KCNMB2: variants seen among roughly 807,000 people sequenced by gnomAD.
KCNMB2 encodes calcium-activated potassium channel subunit beta-2.
KCNMB2 carries 9 observed loss-of-function variants against 24.5 expected under a neutral mutation model. The observed-to-expected ratio is 0.37, with a 90% CI of 0.22 to 0.64. The LOEUF (loss-of-function observed/expected upper bound fraction) is 0.64, where lower values mean the gene tolerates loss of function less well. KCNMB2 is among the 30% of genes least tolerant of loss of function. The probability of loss-of-function intolerance (pLI) is 0.63; values close to 1 mark genes in which losing one functional copy is unlikely to be tolerated. For missense variants in KCNMB2, 226 were observed against 284.3 expected, an observed-to-expected ratio of 0.79 and a Z score of 1.47; for synonymous variants, 109 against 104.4, an observed-to-expected ratio of 1.04 and a Z score of -0.27.
At chr3:178,718,267 T>C (rs1466546528) in intron 1 of KCNMB2, among the ~76,000 whole-genome samples, 1 of 152,206 alleles carries the variant, frequency 6.6e-6, no homozygotes, top group South Asian at 2.1e-4. Flanking sequence ...TTCCTTATAA[T>C]TTCCTCTCTA....
At chr3:178,576,179 G>A (rs1577022248) in intron 1 of KCNMB2, among the ~76,000 whole-genome samples, 1 of 151,834 alleles carries the variant, frequency 6.6e-6, no homozygotes, top group Non-Finnish European at 1.5e-5. Context: ...TAGATAGTGG[G>A]TGCAGCCCAC....
intron 1 of KCNMB2, among the ~76,000 whole-genome samples, chr3:178,765,482 A>G (rs140564782): frequency 1.8e-3 from 280 of 152,254 alleles, no homozygotes; most frequent in Middle Eastern, 0.01. Context: ...CCAGATTTTT[A>G]AAAAGGTGTT....
At chr3:178,760,909 A>G (rs1317590745) in intron 1 of KCNMB2, among the ~76,000 whole-genome samples, 1 of 152,090 alleles carries the variant, frequency 6.6e-6, no homozygotes, top group African/African-American at 2.4e-5. Flanking sequence ...TGCTTATATC[A>G]TTTTCTGATC....
chr3:178,693,175 T>C (rs1358941573), intron 1 of KCNMB2, among the ~76,000 whole-genome samples: 2 of 152,244 alleles, frequency 1.3e-5, no homozygotes, highest in East Asian at 1.9e-4. Context: ...TTTCTAGATA[T>C]AGGATCATGT....
chr3:178,786,061 T>G (rs1358666469), intron 1 of KCNMB2, among the ~76,000 whole-genome samples: 2 of 152,222 alleles, frequency 1.3e-5, no homozygotes, highest in East Asian at 3.9e-4. Flanking sequence ...CTTACCACAA[T>G]TGCACTAAGC....
intron 1 of KCNMB2, among the ~76,000 whole-genome samples, chr3:178,725,522 A>G (rs1476607474): frequency 6.6e-6 from 1 of 152,102 alleles, no homozygotes. Context: ...AAAATAGTCA[A>G]CATATAAAAA....
chr3:178,671,735 C>T (rs190921333), intron 1 of KCNMB2, among the ~76,000 whole-genome samples: 92 of 152,244 alleles, frequency 6.0e-4, no homozygotes, highest in African/African-American at 2.1e-3. Flanking sequence ...AACAAAGAGC[C>T]TAAGAACAGT....
At chr3:178,787,938 C>T (rs562237053) in intron 1 of KCNMB2, among the ~76,000 whole-genome samples, 1 of 152,214 alleles carries the variant, frequency 6.6e-6, no homozygotes, top group South Asian at 2.1e-4. Flanking sequence ...AAATTAGTTT[C>T]CTCTTTGGGT....
chr3:178,841,870 A>G lies in KCNMB2; in HGVS notation c.424-783A>G, dbSNP rs115770972. Among the ~76,000 whole-genome samples, 1,272 of 152,332 alleles carry G rather than the reference A, an allele frequency of 8.4e-3. 15 individuals are homozygous for G. Among genetic ancestry groups the G allele is most frequent in the African/African-American group, 0.03 (1,233 of 41,574 alleles). ...TACAGAGCGGAGAGACATGTAAAAG[A>G]GGTAGCCAAAGAAAAGAGAGGTGAA... is the stretch of plus-strand genomic sequence containing the variant. On this transcript the variant is annotated intron_variant, in intron 4 of 4. Coordinates refer to ENST00000452583, the MANE Select transcript of KCNMB2 (RefSeq NM_181361.3).
At chr3:178,655,140 C>CTA (rs1463407914) in intron 1 of KCNMB2, among the ~76,000 whole-genome samples, 4 of 130,118 alleles carry the variant, frequency 3.1e-5, no homozygotes, top group Admixed American at 7.4e-5. Context: ...CTCTCTCTCT[C>CTA]TCTATCTCTA....
intron 1 of KCNMB2, among the ~76,000 whole-genome samples, chr3:178,675,815 C>T (rs1721052874): frequency 6.6e-6 from 1 of 152,118 alleles, no homozygotes; most frequent in Admixed American, 6.5e-5. Context: ...AGTCTCTGGC[C>T]TCCTGTCAGA....
intron 1 of KCNMB2, among the ~76,000 whole-genome samples, chr3:178,557,911 GA>G (rs1716180594): frequency 6.6e-6 from 1 of 152,120 alleles, no homozygotes; most frequent in Non-Finnish European, 1.5e-5. Flanking sequence ...ACATTGAAAC[GA>G]AACCTTGGAG....
chr3:178,616,160 C>T (rs1452530060), intron 1 of KCNMB2, among the ~76,000 whole-genome samples: 1 of 152,160 alleles, frequency 6.6e-6, no homozygotes, highest in African/African-American at 2.4e-5. Context: ...CCAGCAATCC[C>T]TTGGCAGCCC....
chr3:178,632,015 C>A (rs1204569332), intron 1 of KCNMB2, among the ~76,000 whole-genome samples: 3 of 152,158 alleles, frequency 2.0e-5, no homozygotes, highest in Non-Finnish European at 4.4e-5. Flanking sequence ...GACAGTACAA[C>A]AGGTTTGGAA....
At chr3:178,727,625 C>T (rs1355851839) in intron 1 of KCNMB2, among the ~76,000 whole-genome samples, 1 of 152,100 alleles carries the variant, frequency 6.6e-6, no homozygotes, top group African/African-American at 2.4e-5. Context: ...TGCAACATTG[C>T]TGGCTTTGAA....
chr3:178,706,180 T>C (rs1327813196), intron 1 of KCNMB2, among the ~76,000 whole-genome samples: 2 of 152,174 alleles, frequency 1.3e-5, no homozygotes, highest in Non-Finnish European at 2.9e-5. Flanking sequence ...ATTTGCCTAC[T>C]TCTCAAATTA....
chr3:178,571,485 T>TATATAC (rs1212687167), intron 1 of KCNMB2, among the ~76,000 whole-genome samples: 2 of 140,358 alleles, frequency 1.4e-5, no homozygotes, highest in African/African-American at 2.6e-5. Context: ...TATATATATA[T>TATATAC]ACTTTTTTCT....
intron 1 of KCNMB2, among the ~76,000 whole-genome samples, chr3:178,798,493 G>A (rs1713644074): frequency 6.6e-6 from 1 of 152,110 alleles, no homozygotes; most frequent in Non-Finnish European, 1.5e-5. Flanking sequence ...ATCAATGATA[G>A]ACTGGATAAA....
chr3:178,825,943 A>G (rs1714817989), intron 3 of KCNMB2, among the ~76,000 whole-genome samples, 185 bp downstream of exon 3: 1 of 152,186 alleles, frequency 6.6e-6, no homozygotes, highest in Non-Finnish European at 1.5e-5. Context: ...TCTATGTATA[A>G]TCTGGATACC....
Sources: allele counts gnomAD v4.1 joint callset (sites outside exome capture counted in the v4.1 genomes callset), GRCh38; gene constraint gnomAD v4.1.1; transcripts MANE v1.5; gene names NCBI Gene and HGNC (gene_info 2026-07-23, HGNC 2026-07-21).